The following NOL4L variants were observed in gnomAD, a reference collection of about 807,000 sequenced individuals.
The protein encoded by NOL4L is nucleolar protein 4 like, also known as nucleolar protein 4-like.
NOL4L carries 7 observed loss-of-function variants against 64.5 expected under a neutral mutation model. That is an observed-to-expected ratio of 0.11 (90% CI 0.06 to 0.20). The LOEUF (loss-of-function observed/expected upper bound fraction) is 0.20. NOL4L is among the 10% of genes least tolerant of loss of function. The pLI, the probability that NOL4L is intolerant of heterozygous loss-of-function variation, is 1.00. For synonymous variants in NOL4L, 413 were observed against 401.0 expected, an observed-to-expected ratio of 1.03 and a Z score of -0.36; for missense variants, 680 against 967.1, an observed-to-expected ratio of 0.70 and a Z score of 3.94.
intron 1 of NOL4L, 73 bp from the exon 2 acceptor site, chr20:32,527,986 G>A: frequency 7.4e-7 from 1 of 1,346,488 alleles, no homozygotes; most frequent in South Asian, 1.3e-5. Flanking sequence ...TGAGGCCGGG[G>A]CAAGGGGTCA....
chr20:32,550,947 T>A (rs2018793050), intron 1 of NOL4L, among the ~76,000 whole-genome samples: 1 of 151,402 alleles, frequency 6.6e-6, no homozygotes, highest in Non-Finnish European at 1.5e-5. Context: ...TCCCAGCTAC[T>A]CGGGAGGCTG....
intron 1 of NOL4L, among the ~76,000 whole-genome samples, chr20:32,540,716 T>C (rs1176108448): frequency 6.6e-6 from 1 of 152,142 alleles, no homozygotes; most frequent in African/African-American, 2.4e-5. Flanking sequence ...CACATGGGAC[T>C]GTCAATGTTA....
chr20:32,571,924 C>T (rs1043378129), intron 1 of NOL4L, among the ~76,000 whole-genome samples: 1 of 152,214 alleles, frequency 6.6e-6, no homozygotes, highest in African/African-American at 2.4e-5. Flanking sequence ...CGGTACTCTC[C>T]CTGAACTGCA....
intron 10 of NOL4L, among the ~76,000 whole-genome samples, chr20:32,450,988 G>A (rs1364521410): frequency 3.3e-5 from 5 of 152,182 alleles, no homozygotes; most frequent in African/African-American, 1.2e-4. Flanking sequence ...TGGTTCTGGG[G>A]GGTGGCGGGG....
Position 32,456,331 on chromosome 20 carries a change from G to T in NOL4L, c.906C>A (p.Ser302Arg). Residue 302 changes from serine (S) to arginine (R), a missense_variant, in exon 6 of 11, where the codon AGC becomes AGA. Around this residue, in one of 4 missense-constraint regions of NOL4L, gnomAD observed 254 missense variants for 238.7 expected, o/e 1.06. Transcript: ENST00000621426. The stretch of plus-strand genomic sequence containing the variant: ...GGAAGGCAGGGTCGCCCTGCGTGCT[G>T]CTCGACGTGGATGGGTTCAGGGTGG... Reference protein sequence around the residue: ...GSSTLNPSTSSSTQGDPAFPE... With the variant: ...GSSTLNPSTSRSTQGDPAFPE... 6.5e-7 allele frequency: 1 copy of T among 1,549,810 alleles called. No homozygotes were observed. The highest frequency in any genetic ancestry group is 8.7e-7 in the Non-Finnish European group (1 of 1,144,612).
chr20:32,459,001 G>A (rs1001310195), intron 5 of NOL4L, among the ~76,000 whole-genome samples: 11 of 152,234 alleles, frequency 7.2e-5, no homozygotes, highest in Non-Finnish European at 1.5e-4. Flanking sequence ...CCTTTGCCTC[G>A]GGGCTGTGCC....
At chr20:32,520,099 A>G (rs1202695560) in intron 3 of NOL4L, 1 of 152,188 alleles carries the variant, frequency 6.6e-6, no homozygotes, top group African/African-American at 2.4e-5. Flanking sequence ...CCTGGCTAAC[A>G]TGGTGAAACC....
intron 4 of NOL4L, among the ~76,000 whole-genome samples, chr20:32,498,766 T>TTAA (rs774598746): frequency 1.0e-5 from 1 of 99,026 alleles, no homozygotes; most frequent in African/African-American, 3.3e-5. Context: ...CCTGTCTCAA[T>TTAA]AAAAAAAAAA....
chr20:32,462,920 A>C (rs547205563), intron 5 of NOL4L, among the ~76,000 whole-genome samples: 74 of 148,790 alleles, frequency 5.0e-4, no homozygotes, highest in Non-Finnish European at 8.7e-4. Flanking sequence ...AAAAAAAAAA[A>C]AAACTGATTT....
intron 4 of NOL4L, among the ~76,000 whole-genome samples, chr20:32,486,224 G>A (rs1396948259): frequency 6.6e-6 from 1 of 152,192 alleles, no homozygotes; most frequent in Non-Finnish European, 1.5e-5. Context: ...GTTGTTTTCA[G>A]TGTCCTTGTG....
At chr20:32,490,818 T>C (rs1341315799) in intron 4 of NOL4L, among the ~76,000 whole-genome samples, 1 of 152,256 alleles carries the variant, frequency 6.6e-6, no homozygotes, top group Admixed American at 6.5e-5. Context: ...GTCGCTCTCC[T>C]ATTCCAAAAC....
chr20:32,455,381 G>A (rs1043589660), intron 6 of NOL4L, among the ~76,000 whole-genome samples: 9 of 152,230 alleles, frequency 5.9e-5, no homozygotes, highest in Admixed American at 2.0e-4. Context: ...ATGTCCCCAC[G>A]AGACATTCCA....
chr20:32,585,050 C>T lies in NOL4L; in HGVS notation c.-160G>A. On this transcript the variant is annotated 5_prime_UTR_variant, in exon 1 of 11. Coordinates refer to ENST00000621426, the MANE Select transcript of NOL4L (RefSeq NM_001256798.2). ...GCTGCTGGATGGGCGCGGGCGGCGG[C>T]CGGACGCGCGGGGCTGCGGCGCGCT... 1 of 243,614 alleles carries T rather than the reference C, an allele frequency of 4.1e-6. No individual in the cohort carries two copies. The highest frequency in any genetic ancestry group is 6.5e-6 in the Non-Finnish European group (1 of 153,374). 15.1% of individuals were successfully genotyped at this position (243,614 alleles called of 1,614,324 possible).
intron 1 of NOL4L, among the ~76,000 whole-genome samples, chr20:32,566,854 T>G (rs1321169417): frequency 6.6e-6 from 1 of 152,236 alleles, no homozygotes; most frequent in Admixed American, 6.5e-5. Flanking sequence ...TATTGGGTAC[T>G]GTCAGCCTGC....
chr20:32,509,869 T>C, intron 4 of NOL4L: 1 of 1,304,310 alleles, frequency 7.7e-7, no homozygotes, highest in Non-Finnish European at 1.0e-6. Flanking sequence ...TTGTGCTTCA[T>C]TCTTCATGGG....
At chr20:32,563,848 C>A (rs1979251602) in intron 1 of NOL4L, among the ~76,000 whole-genome samples, 1 of 152,206 alleles carries the variant, frequency 6.6e-6, no homozygotes, top group Non-Finnish European at 1.5e-5. Flanking sequence ...GCCAAGGTGG[C>A]AGCAGCCCCC....
At chr20:32,549,228 T>C (rs1005235160) in intron 1 of NOL4L, among the ~76,000 whole-genome samples, 3 of 152,230 alleles carry the variant, frequency 2.0e-5, no homozygotes, top group Admixed American at 2.0e-4. Flanking sequence ...AAGGGACTTG[T>C]ATCTAGAATA....
rs369950575 is a variant in NOL4L at position 32,463,788 on chromosome 20, C to T, written c.842-7393G>A. ...GCTCTGTGCGAACCACCAATCGCCA[C>T]ACCGCGCTCTGGGGCCCACAGCCAG... On this transcript the variant is annotated intron_variant, in intron 5 of 10. Coordinates refer to ENST00000621426, the MANE Select transcript of NOL4L (RefSeq NM_001256798.2). The surrounding 1 kb of genome is among the most constrained non-coding windows in gnomAD (Gnocchi z 5.8). Among the ~76,000 whole-genome samples the T allele has an allele frequency of 6.6e-6, 1 of 152,208 alleles. No individual in the cohort carries two copies. The highest frequency in any genetic ancestry group is 1.9e-4 in the East Asian group (1 of 5,184).
At chr20:32,533,569 T>G (rs1314448512) in intron 1 of NOL4L, 3 of 152,218 alleles carry the variant, frequency 2.0e-5, no homozygotes, top group Admixed American at 2.0e-4. Flanking sequence ...TCATTTCCGA[T>G]GAAGGCCAAT....
Sources: gnomAD v4.1 joint callset for allele counts (sites outside exome capture counted in the v4.1 genomes callset) on GRCh38, gnomAD v4.1.1 for gene constraint, gnomAD v4.1.1 regional missense constraint, Gnocchi (gnomAD v3.1) non-coding constraint, MANE v1.5 for transcripts, NCBI Gene and HGNC (gene_info 2026-07-23, HGNC 2026-07-21) for gene names.